DDX60L: variants seen among roughly 807,000 people sequenced by gnomAD.
The protein encoded by DDX60L is probable ATP-dependent RNA helicase DDX60-like.
DDX60L carries 191 observed loss-of-function variants against 211.6 expected under a neutral mutation model. The ratio of observed to expected loss-of-function variants is 0.90; its 90% CI spans 0.80 to 1.02. The LOEUF is 1.02. Ranked by LOEUF, DDX60L falls within the 50% of genes least tolerant of loss-of-function variation. DDX60L has a pLI of 0.00. For missense variants in DDX60L, 2,007 were observed against 1,984.1 expected, an observed-to-expected ratio of 1.01 and a Z score of -0.22; for synonymous variants, 706 against 694.1, an observed-to-expected ratio of 1.02 and a Z score of -0.27.
rs142421536 is a variant in DDX60L, at chr4:168,462,729, C to T, written c.265-689G>A. Among the ~76,000 whole-genome samples, 17 of 152,254 alleles carry T rather than the reference C, an allele frequency of 1.1e-4. 1 individual carries two copies. The East Asian group carries it at 2.5e-3, about 23-fold the overall frequency. ...TTGGGAGGCTGAAGCAGGAAAATCG[C>T]TTGAACCAGGGAGGCGGAGGTTGCA... On this transcript the variant is annotated intron_variant, in intron 4 of 37. Transcript: ENST00000682922.
chr4:168,388,516 C>T (rs1284242541), intron 29 of DDX60L, among the ~76,000 whole-genome samples: 3 of 152,236 alleles, frequency 2.0e-5, no homozygotes, highest in Non-Finnish European at 2.9e-5. Context: ...GTGCACAGTT[C>T]TGAGTGGTGT....
chr4:168,416,108 T>TA (rs1166525033), intron 20 of DDX60L, among the ~76,000 whole-genome samples: 4 of 152,208 alleles, frequency 2.6e-5, no homozygotes, highest in Admixed American at 2.6e-4. Flanking sequence ...GTGCTGCTGT[T>TA]ACTGCCATCG....
intron 2 of DDX60L, 43 bp from the exon 3 acceptor site, chr4:168,472,567 A>T: frequency 6.4e-7 from 1 of 1,565,044 alleles, no homozygotes; most frequent in Non-Finnish European, 8.7e-7. Flanking sequence ...ATTTTTACAC[A>T]GCTATATAAT....
At position 168,427,125 on chromosome 4, in the gene DDX60L, T is replaced by C. The variant is rs1214481445; in HGVS notation, c.1875A>G (p.Glu625=). 6.2e-7 allele frequency: 1 copy of C among 1,607,926 alleles called. No individual in the cohort carries two copies. Among genetic ancestry groups the C allele is most frequent in the South Asian group, 1.1e-5 (1 of 90,128 alleles). The change falls in exon 14 of 38, where the codon GAA becomes GAG. Residue 625 remains glutamate (E), a synonymous_variant. Transcript: ENST00000682922. The part of the protein sequence containing the change: ...CASNSVKFGV[E]MLGLIACFKA... Reference sequence around the variant, plus strand: ...TAAAGCAGGCAATTAATCCTAACATTTCAACTCCAAATTTCACTGAATTAC... The same window carrying C: ...TAAAGCAGGCAATTAATCCTAACATCTCAACTCCAAATTTCACTGAATTAC...
chr4:168,402,285 C>T (rs759420685), intron 25 of DDX60L, among the ~76,000 whole-genome samples: 1 of 152,108 alleles, frequency 6.6e-6, no homozygotes, highest in Non-Finnish European at 1.5e-5. Flanking sequence ...GCAACACCCA[C>T]ATACTACTGG....
chr4:168,393,791 A>G lies in DDX60L; in HGVS notation c.3810+674T>C, dbSNP rs193189319. ...TCTCTTAGCTGAGGTATGACATTAG[A>G]AAATAGTCTGACCAAATGTATAGTC... On this transcript the variant is annotated intron_variant, in intron 28 of 37. Transcript: ENST00000682922. Among the ~76,000 whole-genome samples, 20 of 152,322 alleles carry G rather than the reference A, an allele frequency of 1.3e-4. No homozygotes were observed. The East Asian group carries it at 3.9e-3, about 29-fold the overall frequency.
intron 14 of DDX60L, among the ~76,000 whole-genome samples, chr4:168,424,929 G>A (rs939951960): frequency 6.6e-6 from 1 of 152,040 alleles, no homozygotes; most frequent in Non-Finnish European, 1.5e-5. Flanking sequence ...GGAATTTCTG[G>A]GATGAAGCCT....
intron 4 of DDX60L, among the ~76,000 whole-genome samples, chr4:168,467,710 A>G (rs1758194644): frequency 6.6e-6 from 1 of 152,158 alleles, no homozygotes; most frequent in Admixed American, 6.5e-5. Flanking sequence ...CTAGACCCAA[A>G]TGGTTTCACA....
intron 30 of DDX60L, among the ~76,000 whole-genome samples, chr4:168,381,912 T>C (rs1239577761): frequency 6.6e-6 from 1 of 152,052 alleles, no homozygotes; most frequent in Non-Finnish European, 1.5e-5. Context: ...ACAAAAACCT[T>C]TAAAGTGTAC....
chr4:168,454,758 C>CTTTTTTT (rs767461447), intron 7 of DDX60L, among the ~76,000 whole-genome samples: 15 of 88,622 alleles, frequency 1.7e-4, no homozygotes, highest in South Asian at 8.3e-4. Flanking sequence ...AAACAGCTTC[C>CTTTTTTT]TTTTTTTTTT....
intron 10 of DDX60L, among the ~76,000 whole-genome samples, chr4:168,439,371 T>C (rs1036851166): frequency 6.6e-6 from 1 of 152,024 alleles, no homozygotes; most frequent in Admixed American, 6.6e-5. Flanking sequence ...GAGTGCAGAA[T>C]TGAGGTTTCC....
At chr4:168,425,678 C>T (rs931349936) in intron 14 of DDX60L, among the ~76,000 whole-genome samples, 1 of 152,016 alleles carries the variant, frequency 6.6e-6, no homozygotes, top group African/African-American at 2.4e-5. Flanking sequence ...AGGAGAATCA[C>T]CTGAAGCTTG....
At chr4:168,477,611 A>G (rs2634959) in intron 1 of DDX60L, among the ~76,000 whole-genome samples, 70,065 of 152,032 alleles carry the variant, frequency 0.46, 17,516 homozygotes, top group East Asian at 0.62. Context: ...AAGAGAAGAC[A>G]CAGATTATAA....
intron 36 of DDX60L, among the ~76,000 whole-genome samples, chr4:168,370,447 G>A (rs1330288273): frequency 6.6e-6 from 1 of 152,090 alleles, no homozygotes; most frequent in Non-Finnish European, 1.5e-5. Context: ...AGGAGAAGGT[G>A]GGCAGAGGTT....
intron 8 of DDX60L, 116 bp from the exon 9 acceptor site, chr4:168,448,895 A>T: frequency 1.1e-6 from 1 of 873,250 alleles, no homozygotes; most frequent in South Asian, 1.8e-5. Flanking sequence ...TGATAAAGTC[A>T]TTACAATCAC....
chr4:168,359,420 A>G (rs913649229), intron 37 of DDX60L, among the ~76,000 whole-genome samples: 17 of 152,154 alleles, frequency 1.1e-4, no homozygotes, highest in African/African-American at 3.9e-4. Context: ...ACTATCATTA[A>G]CCAAATTAGA....
chr4:168,423,585 A>G, intron 15 of DDX60L, 23 bp downstream of exon 15: 1 of 1,501,198 alleles, frequency 6.7e-7, no homozygotes, highest in Non-Finnish European at 8.9e-7. Flanking sequence ...AATTTAAAGT[A>G]TAAGAAATTC....
chr4:168,358,961 T>C (rs1738642252), intron 37 of DDX60L, among the ~76,000 whole-genome samples: 1 of 152,186 alleles, frequency 6.6e-6, no homozygotes, highest in Non-Finnish European at 1.5e-5. Flanking sequence ...CTTCCTAATA[T>C]AGGGACAATT....
intron 14 of DDX60L, among the ~76,000 whole-genome samples, chr4:168,424,391 T>A (rs934933426): frequency 6.6e-6 from 1 of 152,214 alleles, no homozygotes; most frequent in Admixed American, 6.5e-5. Flanking sequence ...CCACTCCATA[T>A]AAAGTCATAT....
Sources: allele counts gnomAD v4.1 joint callset (sites outside exome capture counted in the v4.1 genomes callset), GRCh38; gene constraint gnomAD v4.1.1; transcripts MANE v1.5; gene names NCBI Gene and HGNC (gene_info 2026-07-23, HGNC 2026-07-21).